ZFAND3: variants seen among roughly 807,000 people sequenced by gnomAD.
ZFAND3 encodes the protein AN1-type zinc finger protein 3.
ZFAND3 carries 10 observed loss-of-function variants against 29.6 expected under a neutral mutation model. The ratio of observed to expected loss-of-function variants is 0.34; its 90% CI spans 0.21 to 0.57. ZFAND3 has a LOEUF of 0.57. Among genes scored for constraint, ZFAND3 ranks in the 20% least tolerant of loss-of-function variants. The pLI is 0.86. For missense variants in ZFAND3, 230 were observed against 304.5 expected (o/e 0.76, Z 1.82); for synonymous variants, 128 against 112.6 (o/e 1.14, Z -0.87).
At chr6:38,127,350 T>G (rs1197098999) in intron 5 of ZFAND3, among the ~76,000 whole-genome samples, 1 of 152,234 alleles carries the variant, frequency 6.6e-6, no homozygotes, top group Non-Finnish European at 1.5e-5. Context: ...CTGTAACTGG[T>G]CAACAAAGCT....
chr6:37,934,924 A>AT (rs1275347130), intron 2 of ZFAND3, among the ~76,000 whole-genome samples: 1 of 145,046 alleles, frequency 6.9e-6, no homozygotes. Context: ...CCTATTTGTT[A>AT]TTTTTCTACC....
chr6:37,874,036 T>C (rs1014532163), intron 1 of ZFAND3, among the ~76,000 whole-genome samples: 1 of 152,088 alleles, frequency 6.6e-6, no homozygotes, highest in Non-Finnish European at 1.5e-5. Flanking sequence ...CAACAGAAAT[T>C]TATTGTCTCA....
intron 2 of ZFAND3, among the ~76,000 whole-genome samples, chr6:37,955,193 TTATC>T (rs1321603243): frequency 6.6e-6 from 1 of 151,724 alleles, no homozygotes; most frequent in Non-Finnish European, 1.5e-5. Flanking sequence ...ATCACTGTCC[TTATC>T]TAGTGTATTG....
At chr6:37,957,797 A>G (rs1401478119) in intron 2 of ZFAND3, among the ~76,000 whole-genome samples, 4 of 152,196 alleles carry the variant, frequency 2.6e-5, no homozygotes, top group Non-Finnish European at 5.9e-5. Context: ...ATACGGACCT[A>G]GGCCGAAATT....
intron 4 of ZFAND3, 108 bp downstream of exon 4, chr6:38,082,565 C>G: frequency 1.9e-6 from 2 of 1,037,736 alleles, no homozygotes; most frequent in Non-Finnish European, 2.8e-6. Context: ...TTTCTTCCGT[C>G]AGTTGTGAGG....
intron 2 of ZFAND3, among the ~76,000 whole-genome samples, chr6:38,032,410 CAGTT>C (rs1763579329): frequency 6.6e-6 from 1 of 152,134 alleles, no homozygotes; most frequent in African/African-American, 2.4e-5. Flanking sequence ...GTCTTTGAGA[CAGTT>C]AAGTTGTATC....
chr6:38,047,461 A>G (rs1001560904), intron 2 of ZFAND3, among the ~76,000 whole-genome samples: 1 of 152,124 alleles, frequency 6.6e-6, no homozygotes, highest in Non-Finnish European at 1.5e-5. Context: ...CTATATGCAT[A>G]TACAATATTG....
intron 2 of ZFAND3, among the ~76,000 whole-genome samples, chr6:38,011,170 T>C (rs1581837189): frequency 6.6e-6 from 1 of 152,226 alleles, no homozygotes; most frequent in African/African-American, 2.4e-5. Flanking sequence ...TTCATTGCTT[T>C]CCATTGCATA....
intron 2 of ZFAND3, among the ~76,000 whole-genome samples, chr6:38,051,924 A>G (rs1011535013): frequency 2.0e-5 from 3 of 152,234 alleles, no homozygotes; most frequent in Admixed American, 6.5e-5. Context: ...ACACTGTTAC[A>G]GGGAAAACTG....
chr6:37,913,051 A>C (rs947614398), intron 1 of ZFAND3, among the ~76,000 whole-genome samples: 4 of 152,212 alleles, frequency 2.6e-5, no homozygotes, highest in Non-Finnish European at 4.4e-5. Context: ...TCTGCTAACA[A>C]TCATCCAAAC....
At chr6:38,111,272 C>G (rs1044293627) in intron 4 of ZFAND3, among the ~76,000 whole-genome samples, 21 of 152,138 alleles carry the variant, frequency 1.4e-4, no homozygotes, top group African/African-American at 4.8e-4. Flanking sequence ...TTCAACCAAC[C>G]ATAGACTGAA....
intron 2 of ZFAND3, among the ~76,000 whole-genome samples, chr6:38,030,056 A>ATATATG (rs1763525853): frequency 2.2e-3 from 4 of 1,818 alleles, no homozygotes; most frequent in African/African-American, 5.4e-3. Context: ...TGCTGGATAT[A>ATATATG]TATATATATA....
chr6:38,052,369 G>A (rs1476940603), intron 2 of ZFAND3, among the ~76,000 whole-genome samples: 1 of 152,054 alleles, frequency 6.6e-6, no homozygotes, highest in Non-Finnish European at 1.5e-5. Context: ...TATTGACAGG[G>A]TGCTTAATAT....
intron 2 of ZFAND3, among the ~76,000 whole-genome samples, chr6:37,946,494 C>A (rs2127419014): frequency 1.3e-5 from 2 of 152,234 alleles, no homozygotes; most frequent in Middle Eastern, 3.4e-3. Flanking sequence ...CAATTTTTCC[C>A]CCCATTCCTT....
intron 2 of ZFAND3, among the ~76,000 whole-genome samples, chr6:37,990,514 G>T (rs929070578): frequency 6.6e-6 from 1 of 152,038 alleles, no homozygotes; most frequent in East Asian, 1.9e-4. Context: ...TCTCTTTTTG[G>T]TTAGAGTGTG....
intron 4 of ZFAND3, among the ~76,000 whole-genome samples, chr6:38,085,198 G>A (rs1764733438): frequency 6.6e-6 from 1 of 152,204 alleles, no homozygotes; most frequent in South Asian, 2.1e-4. Flanking sequence ...TCTATGACAT[G>A]TGCTGTACAG....
intron 4 of ZFAND3, among the ~76,000 whole-genome samples, chr6:38,110,042 T>C (rs891160764): frequency 6.6e-6 from 1 of 152,252 alleles, no homozygotes; most frequent in African/African-American, 2.4e-5. Context: ...TTAGGAATTA[T>C]ACTGCCTGGC....
intron 2 of ZFAND3, among the ~76,000 whole-genome samples, chr6:37,952,704 G>A (rs1762019226): frequency 6.6e-6 from 1 of 152,134 alleles, no homozygotes; most frequent in Admixed American, 6.6e-5. Context: ...TCCATAGTGA[G>A]AGTGGGCTAC....
intron 2 of ZFAND3, among the ~76,000 whole-genome samples, chr6:37,931,957 A>T (rs554368797): frequency 6.6e-6 from 1 of 152,316 alleles, no homozygotes; most frequent in South Asian, 2.1e-4. Flanking sequence ...AGCTTTTAGC[A>T]GTATTTGTGC....
Sources: gnomAD v4.1 joint callset for allele counts (sites outside exome capture counted in the v4.1 genomes callset) on GRCh38, gnomAD v4.1.1 for gene constraint, MANE v1.5 for transcripts, NCBI Gene and HGNC (gene_info 2026-07-23, HGNC 2026-07-21) for gene names.